Variants in KCNQ1 observed in about 807,000 individuals in gnomAD.
KCNQ1 encodes potassium voltage-gated channel subfamily Q member 1.
KCNQ1 carries 49 observed loss-of-function variants against 72.4 expected under a neutral mutation model. The observed-to-expected ratio is 0.68, with a 90% CI of 0.54 to 0.86. KCNQ1 has a LOEUF of 0.86. Among genes scored for constraint, KCNQ1 ranks in the 40% least tolerant of loss-of-function variants. The pLI, the probability that KCNQ1 is intolerant of heterozygous loss-of-function variation, is 0.00. For missense variants in KCNQ1, 790 were observed against 945.1 expected (o/e 0.84, Z 2.15); for synonymous variants, 450 against 412.6 (o/e 1.09, Z -1.10).
chr11:2,681,436 G>T (rs1368628791), intron 11 of KCNQ1: 2 of 398,536 alleles, frequency 5.0e-6, no homozygotes, highest in Non-Finnish European at 8.8e-6. Flanking sequence ...AGCTCTAGGG[G>T]ATTTTGGGAC....
intron 6 of KCNQ1, among the ~76,000 whole-genome samples, chr11:2,576,507 C>G (rs1185472372): frequency 6.6e-6 from 1 of 152,244 alleles, no homozygotes; most frequent in Non-Finnish European, 1.5e-5. Flanking sequence ...TCTCTACAAA[C>G]AGGAGGCTGC....
Position 2,676,289 on chromosome 11 carries a change from C to T in KCNQ1, c.1514+14208C>T, listed in dbSNP as rs1487904492. On this transcript the variant is annotated intron_variant, in intron 11 of 15. Coordinates refer to ENST00000155840, the MANE Select transcript of KCNQ1 (RefSeq NM_000218.3). The surrounding 1 kb of genome is among the most constrained non-coding windows in gnomAD (Gnocchi z 4.2). ...TGCAAAATGTGTGTTTACATGTATA[C>T]AGACACACGTGTGAACAGGTGATGG... 5.0e-6 allele frequency: 2 copies of T among 398,516 alleles called. No homozygotes were observed. The highest frequency in any genetic ancestry group is 4.1e-5 in the African/African-American group (2 of 48,638). The allele number at this position is 398,516 out of a possible 1,614,324, so 24.7% of individuals were successfully genotyped here.
rs120074187 is a variant in KCNQ1 at position 2,572,963 on chromosome 11, G to A, written c.898G>A (p.Ala300Thr). ...ESGRVEFGSY[A>T]DALWWGVVTV... Reference sequence around the variant, plus strand: ...AGGCCGCGTGGAGTTCGGCAGCTACGCAGATGCGCTGTGGTGGGGGGTGGT... The same window carrying A: ...AGGCCGCGTGGAGTTCGGCAGCTACACAGATGCGCTGTGGTGGGGGGTGGT... Residue 300 changes from alanine (A) to threonine (T), a missense_variant, in exon 6 of 16, where the codon GCA (alanine) becomes ACA (threonine). This residue lies in a region of KCNQ1 where 133 missense variants were observed against 219.5 expected (regional missense o/e 0.61). Coordinates refer to ENST00000155840, the MANE Select transcript of KCNQ1 (RefSeq NM_000218.3). The A allele has an allele frequency of 2.0e-5, 33 of 1,613,624 alleles. No individual in the cohort carries two copies. The Admixed American group carries it at 3.2e-4, about 15-fold the overall frequency.
At chr11:2,796,872 G>A (rs1351340863) in intron 15 of KCNQ1, among the ~76,000 whole-genome samples, 3 of 152,214 alleles carry the variant, frequency 2.0e-5, no homozygotes. Context: ...GCAGGGAAAC[G>A]TTCGCCATTC....
chr11:2,499,593 C>T (rs1050661299), intron 1 of KCNQ1, among the ~76,000 whole-genome samples: 1 of 147,684 alleles, frequency 6.8e-6, no homozygotes, highest in African/African-American at 2.5e-5. Flanking sequence ...TAAAAATACA[C>T]ATAGACTGAA....
intron 10 of KCNQ1, chr11:2,644,068 C>T: frequency 2.5e-6 from 1 of 398,498 alleles, no homozygotes; most frequent in Non-Finnish European, 4.4e-6. Flanking sequence ...CTATAATGTG[C>T]TGTGGAAAAG....
In KCNQ1 at chr11:2,652,774, C is replaced by T. The variant is rs982026801; in HGVS notation, c.1394-9187C>T. Reference sequence around the variant, plus strand: ...CTCTGTCACTGCCTGTCTTCCTCAGCGCCCCCGCTACTCAGACCCCACCCT... The same window carrying T: ...CTCTGTCACTGCCTGTCTTCCTCAGTGCCCCCGCTACTCAGACCCCACCCT... On this transcript the variant is annotated intron_variant, in intron 10 of 15. Coordinates refer to ENST00000155840, the MANE Select transcript of KCNQ1 (RefSeq NM_000218.3). This position sits in a 1 kb window ranked among gnomAD's most constrained non-coding sequence, Gnocchi z 5.9. The T allele has an allele frequency of 2.0e-5, 8 of 399,020 alleles. No homozygotes were observed. Among genetic ancestry groups the T allele is most frequent in the South Asian group, 1.3e-4 (1 of 7,868 alleles). The allele number at this position is 399,020 out of a possible 1,614,324, so 24.7% of individuals were successfully genotyped here.
chr11:2,551,177 C>G (rs183982133), intron 2 of KCNQ1, among the ~76,000 whole-genome samples: 26 of 152,290 alleles, frequency 1.7e-4, no homozygotes, highest in Non-Finnish European at 2.9e-5. Context: ...TTCGATGAGT[C>G]CTGGCAAACA....
In KCNQ1 at chr11:2,508,526, G is replaced by A. The variant is rs1847142445; in HGVS notation, c.387-19402G>A. 6.6e-6 allele frequency among the ~76,000 whole-genome samples: 1 copy of A among 151,954 alleles called. No individual in the cohort carries two copies. Among genetic ancestry groups the A allele is most frequent in the African/African-American group, 2.4e-5 (1 of 41,372 alleles). ...AGAGAGGGTGATGATATAACCAGCT[G>A]GGTGTTCGCACCTGAGAGGTTTCGG... On this transcript the variant is annotated intron_variant, in intron 1 of 15. Transcript: ENST00000155840. The surrounding 1 kb of genome is among the most constrained non-coding windows in gnomAD (Gnocchi z 6.2).
Position 2,568,277 on chromosome 11 carries a change from AT to A in KCNQ1, c.478-2350del, listed in dbSNP as rs1456440224. On this transcript the variant is annotated intron_variant, in intron 2 of 15. Transcript: ENST00000155840. Reference sequence around the variant, plus strand: ...GACAGAGCGAGACTCTGTCTCATAAATAAATAAATAAATAAATAAATAAATA... The same window carrying A: ...GACAGAGCGAGACTCTGTCTCATAAAAAATAAATAAATAAATAAATAAATA... Among the ~76,000 whole-genome samples the A allele has an allele frequency of 7.9e-5, 5 of 63,594 alleles. 1 individual carries two copies. The South Asian group carries it at 2.0e-3, about 26-fold the overall frequency. The allele number at this position is 63,594 out of a possible 152,430, so 41.7% of individuals were successfully genotyped here. A position where few individuals can be genotyped will look rare whatever the true frequency, so the allele number is the denominator to read the frequency against.
chr11:2,576,448 G>C (rs1381230692), intron 6 of KCNQ1, among the ~76,000 whole-genome samples: 3 of 152,228 alleles, frequency 2.0e-5, no homozygotes, highest in African/African-American at 4.8e-5. Context: ...TTGAGTGGAG[G>C]GAGAAGCAGT....
In KCNQ1 at chr11:2,829,531, T is replaced by G. The variant is rs1483634678; in HGVS notation, c.1795-18236T>G. ...AGTGATTACATAGTGACATAAAGAG[T>G]TATATACTGTTTGTGTAAAATGCAA... is the stretch of plus-strand genomic sequence containing the variant. On this transcript the variant is annotated intron_variant, in intron 15 of 15. Transcript: ENST00000155840. Among the ~76,000 whole-genome samples the G allele has an allele frequency of 2.0e-5, 3 of 152,096 alleles. No homozygotes were observed. In the East Asian group the frequency reaches 5.8e-4, roughly 29 times the overall value.
chr11:2,686,384 G>C (rs1382966954), intron 11 of KCNQ1: 1 of 398,556 alleles, frequency 2.5e-6, no homozygotes, highest in Non-Finnish European at 4.4e-6. Context: ...CAGAGCCAGG[G>C]TACCCCAACC....
intron 10 of KCNQ1, among the ~76,000 whole-genome samples, chr11:2,589,294 T>G (rs1028311886): frequency 4.4e-4 from 67 of 151,854 alleles, no homozygotes; most frequent in Admixed American, 9.2e-4. Context: ...GGGTAAAACG[T>G]GGGGGGCCTG....
chr11:2,639,154 T>G (rs1849528207), intron 10 of KCNQ1: 1 of 152,260 alleles, frequency 6.6e-6, no homozygotes, highest in Non-Finnish European at 1.5e-5. Context: ...TTGCTTTGGG[T>G]TCGAACTTCC....
chr11:2,839,560 G>A (rs895242551), intron 15 of KCNQ1, among the ~76,000 whole-genome samples: 1 of 152,166 alleles, frequency 6.6e-6, no homozygotes, highest in Non-Finnish European at 1.5e-5. Flanking sequence ...ATGACGAGGT[G>A]AGGGCTGAGC....
At chr11:2,788,948 G>A (rs2134005576) in intron 15 of KCNQ1, among the ~76,000 whole-genome samples, 1 of 152,310 alleles carries the variant, frequency 6.6e-6, no homozygotes, top group South Asian at 2.1e-4. Context: ...GGCCCCTGGG[G>A]CCAGGTTGAG....
chr11:2,598,408 T>A lies in KCNQ1; in HGVS notation c.1393+9554T>A, dbSNP rs1306415888. Among the ~76,000 whole-genome samples, 1 of 152,188 alleles carries A rather than the reference T, an allele frequency of 6.6e-6. No homozygotes were observed. The highest frequency in any genetic ancestry group is 2.4e-5 in the African/African-American group (1 of 41,452). ...TAGCCTATGAAGTCTCCACTTTTTT[T>A]AAAATGAAGATTTTCTTTGTCTCCA... On this transcript the variant is annotated intron_variant, in intron 10 of 15. Transcript: ENST00000155840. This position sits in a 1 kb window ranked among gnomAD's most constrained non-coding sequence, Gnocchi z 6.2.
Position 2,647,661 on chromosome 11 carries a change from T to C in KCNQ1, c.1394-14300T>C. On this transcript the variant is annotated intron_variant, in intron 10 of 15. Transcript: ENST00000155840. The surrounding 1 kb of genome is among the most constrained non-coding windows in gnomAD (Gnocchi z 4.0). ...CTTTACTGGGAGACTTTATTACTGA[T>C]ACAATCTCATTCCTTGTTATTGCTC... The C allele has an allele frequency of 2.5e-6, 1 of 398,578 alleles. No individual in the cohort carries two copies. Among genetic ancestry groups the C allele is most frequent in the South Asian group, 1.3e-4 (1 of 7,854 alleles). The allele number at this position is 398,578 out of a possible 1,614,324, so 24.7% of individuals were successfully genotyped here. A position where few individuals can be genotyped will look rare whatever the true frequency, so the allele number is the denominator to read the frequency against.
Sources: allele counts gnomAD v4.1 joint callset (sites outside exome capture counted in the v4.1 genomes callset), GRCh38; gene constraint gnomAD v4.1.1; regional missense constraint gnomAD v4.1.1; non-coding constraint Gnocchi (gnomAD v3.1); transcripts MANE v1.5; gene names NCBI Gene and HGNC (gene_info 2026-07-23, HGNC 2026-07-21).